The following C1QTNF2 variants were observed in gnomAD, a reference collection of about 807,000 sequenced individuals.
The protein encoded by C1QTNF2 is complement C1q tumor necrosis factor-related protein 2.
A neutral mutation model predicts 17.4 loss-of-function variants in C1QTNF2; 15 were observed. That is an observed-to-expected ratio of 0.86 (90% confidence interval 0.58 to 1.33). The LOEUF (loss-of-function observed/expected upper bound fraction) is 1.33, where lower values mean the gene tolerates loss of function less well. Ranked by LOEUF, C1QTNF2 falls within the 40% of genes most tolerant of loss-of-function variation. C1QTNF2 has a pLI of 0.00. For synonymous variants in C1QTNF2, 154 were observed against 163.3 expected, an observed-to-expected ratio of 0.94 and a Z score of 0.44; for missense variants, 381 against 392.3, an observed-to-expected ratio of 0.97 and a Z score of 0.24.
chr5:160,354,595 AAAGTAT>A lies in C1QTNF2; in HGVS notation c.244+167_244+172del, dbSNP rs1387561996. Among the ~76,000 whole-genome samples the A allele has an allele frequency of 2.0e-3, 64 of 32,744 alleles. 1 individual carries two copies. The highest frequency in any genetic ancestry group is 0.015 in the South Asian group (11 of 734). The allele number at this position is 32,744 out of a possible 152,430, so 21.5% of individuals were successfully genotyped here. ...CTCTGTCTCAAGGGGAAAAAAAAAA[AAAGTAT>A]ATATATATATATATATATATATATA... On this transcript the variant is annotated intron_variant, in intron 2 of 2. Coordinates refer to ENST00000652664, the MANE Select transcript of C1QTNF2 (RefSeq NM_031908.6).
chr5:160,356,627 G>C (rs1358234355), intron 1 of C1QTNF2, among the ~76,000 whole-genome samples: 3 of 152,166 alleles, frequency 2.0e-5, no homozygotes, highest in Non-Finnish European at 2.9e-5. Context: ...AGCACTGTGG[G>C]CTTTGTAGTC....
chr5:160,355,765 C>T (rs1764037046), intron 1 of C1QTNF2, among the ~76,000 whole-genome samples: 1 of 152,160 alleles, frequency 6.6e-6, no homozygotes, highest in Non-Finnish European at 1.5e-5. Flanking sequence ...CAGCCCAACA[C>T]AAGTTTTGTA....
chr5:160,348,924 TC>T lies in C1QTNF2; in HGVS notation c.*243del. On this transcript the variant is annotated 3_prime_UTR_variant, in exon 3 of 3. Transcript: ENST00000652664. ...ATACTCTGTCTTGTCCACTGCTGCA[TC>T]TTTCAGAGAATAGCATAGTGCCTGT... 1 of 482,576 alleles carries T rather than the reference TC, an allele frequency of 2.1e-6. No individual in the cohort carries two copies. Among genetic ancestry groups the T allele is most frequent in the South Asian group, 3.9e-5 (1 of 25,662 alleles). 29.9% of individuals were successfully genotyped at this position (482,576 alleles called of 1,614,324 possible). A position where few individuals can be genotyped will look rare whatever the true frequency, so the allele number is the denominator to read the frequency against.
chr5:160,366,034 A>G (rs1217913092), intron 1 of C1QTNF2, among the ~76,000 whole-genome samples: 1 of 152,026 alleles, frequency 6.6e-6, no homozygotes, highest in South Asian at 2.1e-4. Flanking sequence ...GTGATTTGTG[A>G]GATTTTGGTG....
intron 1 of C1QTNF2, among the ~76,000 whole-genome samples, chr5:160,357,102 C>G (rs539751859): frequency 3.4e-4 from 52 of 152,302 alleles, no homozygotes; most frequent in African/African-American, 1.2e-3. Flanking sequence ...CCGCCCCAGT[C>G]GTGAAACATC....
At position 160,349,047 on chromosome 5, in the gene C1QTNF2, G is replaced by C; in HGVS notation, c.*121C>G. The C allele has an allele frequency of 8.1e-7, 1 of 1,230,324 alleles. No homozygotes were observed. The highest frequency in any genetic ancestry group is 1.5e-5 in the South Asian group (1 of 64,830). The allele number at this position is 1,230,324 out of a possible 1,614,324, so 76.2% of individuals were successfully genotyped here. A position where few individuals can be genotyped will look rare whatever the true frequency, so the allele number is the denominator to read the frequency against. On this transcript the variant is annotated 3_prime_UTR_variant, in exon 3 of 3. Transcript: ENST00000652664. This position sits in a 1 kb window ranked among gnomAD's most constrained non-coding sequence, Gnocchi z 4.3. The stretch of plus-strand genomic sequence containing the variant: ...AAGGGGAAAAAAAGAGGCAGAGGAG[G>C]TGAGCCTGAGGCTAGAACCGCTCAC...
chr5:160,369,615 A>G (rs1453814918), intron 1 of C1QTNF2, among the ~76,000 whole-genome samples: 3 of 152,216 alleles, frequency 2.0e-5, no homozygotes, highest in African/African-American at 4.8e-5. Context: ...CTACTTCAGC[A>G]TGGTGGAAAC....
At chr5:160,355,489 A>G (rs1434818283) in intron 1 of C1QTNF2, among the ~76,000 whole-genome samples, 1 of 152,154 alleles carries the variant, frequency 6.6e-6, no homozygotes, top group African/African-American at 2.4e-5. Flanking sequence ...GCACATGAGG[A>G]GGGCTGAGGA....
intron 1 of C1QTNF2, among the ~76,000 whole-genome samples, chr5:160,358,009 T>C (rs80247458): frequency 0.081 from 12,268 of 152,288 alleles, 623 homozygotes; most frequent in Middle Eastern, 0.16. Context: ...GCGGATTTGC[T>C]CTCTTGCCCA....
At position 160,366,696 on chromosome 5, in the gene C1QTNF2, C is replaced by A. The variant is rs560232024; in HGVS notation, c.-10+3816G>T. The stretch of plus-strand genomic sequence containing the variant: ...CAAGATTGTAAAATTCAAATTTAGT[C>A]ATTCAGTGATTAGCTTTTAACTTTT... On this transcript the variant is annotated intron_variant, in intron 1 of 2. Transcript: ENST00000652664. Among the ~76,000 whole-genome samples, 9 of 152,266 alleles carry A rather than the reference C, an allele frequency of 5.9e-5. No individual in the cohort carries two copies. In the South Asian group the frequency reaches 1.9e-3, roughly 32 times the overall value.
At chr5:160,351,149 T>C (rs1190559915) in intron 2 of C1QTNF2, among the ~76,000 whole-genome samples, 1 of 152,216 alleles carries the variant, frequency 6.6e-6, no homozygotes, top group Non-Finnish European at 1.5e-5. Context: ...TGCAGAACAA[T>C]TCCCCCAGTT....
intron 2 of C1QTNF2, among the ~76,000 whole-genome samples, chr5:160,350,934 T>C (rs992884659): frequency 2.0e-5 from 3 of 152,090 alleles, no homozygotes; most frequent in Non-Finnish European, 4.4e-5. Flanking sequence ...GTATATTTAG[T>C]AGAGATGGGG....
intron 2 of C1QTNF2, among the ~76,000 whole-genome samples, chr5:160,350,951 C>T (rs916028208): frequency 1.1e-4 from 16 of 152,206 alleles, no homozygotes; most frequent in African/African-American, 3.9e-4. Flanking sequence ...GGGGTTTCAC[C>T]GTGTTAGCCA....
intron 1 of C1QTNF2, among the ~76,000 whole-genome samples, chr5:160,356,749 C>A (rs1764058453): frequency 6.6e-6 from 1 of 152,206 alleles, no homozygotes; most frequent in Admixed American, 6.5e-5. Flanking sequence ...ACCTTTGGAA[C>A]TCATTTTTCC....
intron 1 of C1QTNF2, among the ~76,000 whole-genome samples, chr5:160,358,934 C>A (rs936002530): frequency 5.9e-5 from 9 of 152,090 alleles, no homozygotes; most frequent in African/African-American, 2.2e-4. Flanking sequence ...GAGCGTGCCA[C>A]CATGCCCAGC....
chr5:160,354,597 A>AAATATATATAT (rs769774870), intron 2 of C1QTNF2, among the ~76,000 whole-genome samples, 171 bp downstream of exon 2: 16 of 89,266 alleles, frequency 1.8e-4, no homozygotes, highest in East Asian at 7.7e-4. Flanking sequence ...AAAAAAAAAA[A>AAATATATATAT]GTATATATAT....
At chr5:160,354,669 A>G (rs1159480493) in intron 2 of C1QTNF2, 99 bp downstream of exon 2, 1 of 1,118,520 alleles carries the variant, frequency 8.9e-7, no homozygotes, top group African/African-American at 1.6e-5. Flanking sequence ...ATTTATAATG[A>G]AGAGGATTAA....
intron 1 of C1QTNF2, among the ~76,000 whole-genome samples, chr5:160,369,238 C>T (rs1192864671): frequency 6.6e-6 from 1 of 152,218 alleles, no homozygotes; most frequent in African/African-American, 2.4e-5. Flanking sequence ...TTGTGATGAG[C>T]GTCGTTACTT....
intron 2 of C1QTNF2, among the ~76,000 whole-genome samples, chr5:160,351,837 G>A (rs535749219): frequency 6.7e-6 from 1 of 149,650 alleles, no homozygotes; most frequent in Non-Finnish European, 1.5e-5. Flanking sequence ...AAGTCACAAA[G>A]CTATTTCTTG....
Sources: allele counts gnomAD v4.1 joint callset (sites outside exome capture counted in the v4.1 genomes callset), GRCh38; gene constraint gnomAD v4.1.1; non-coding constraint Gnocchi (gnomAD v3.1); transcripts MANE v1.5; gene names NCBI Gene and HGNC (gene_info 2026-07-23, HGNC 2026-07-21).